Variants in USP49 observed in about 807,000 individuals in gnomAD.
USP49 encodes ubiquitin carboxyl-terminal hydrolase 49.
Under a neutral mutation model 58.6 loss-of-function variants are expected in USP49, and 24 were observed. That is an observed-to-expected ratio of 0.41 (90% CI 0.30 to 0.58). The LOEUF (loss-of-function observed/expected upper bound fraction) is 0.58, where lower values mean the gene tolerates loss of function less well. USP49 is among the 20% of genes least tolerant of loss of function. The pLI, the probability that USP49 is intolerant of heterozygous loss-of-function variation, is 0.30. For synonymous variants in USP49, 408 were observed against 365.1 expected, an observed-to-expected ratio of 1.12 and a Z score of -1.34; for missense variants, 703 against 866.1, an observed-to-expected ratio of 0.81 and a Z score of 2.36.
At chr6:41,859,484 T>C (rs1053008133) in intron 3 of USP49, among the ~76,000 whole-genome samples, 1 of 152,214 alleles carries the variant, frequency 6.6e-6, no homozygotes, top group Non-Finnish European at 1.5e-5. Context: ...CGAGCACGTG[T>C]GTACTTTCCC....
At chr6:41,820,417 CT>C (rs1350459625) in intron 3 of USP49, among the ~76,000 whole-genome samples, 1 of 152,006 alleles carries the variant, frequency 6.6e-6, no homozygotes, top group African/African-American at 2.4e-5. Context: ...TGAACATGGA[CT>C]AAGTATTAAA....
chr6:41,893,700 T>C (rs149378825), intron 1 of USP49, among the ~76,000 whole-genome samples: 1 of 151,654 alleles, frequency 6.6e-6, no homozygotes, highest in African/African-American at 2.4e-5. Flanking sequence ...TCAAAATGAG[T>C]CTCATTTCTT....
intron 3 of USP49, among the ~76,000 whole-genome samples, chr6:41,813,173 C>G (rs1045799473): frequency 2.0e-5 from 3 of 152,192 alleles, no homozygotes; most frequent in Admixed American, 2.0e-4. Flanking sequence ...CACCAGGACA[C>G]TATCTTTAGC....
intron 3 of USP49, among the ~76,000 whole-genome samples, chr6:41,862,233 TAGAGATC>T (rs1561921293): frequency 6.6e-6 from 1 of 152,188 alleles, no homozygotes; most frequent in Non-Finnish European, 1.5e-5. Flanking sequence ...AAATTTTGGA[TAGAGATC>T]ATCAAACTGG....
intron 3 of USP49, among the ~76,000 whole-genome samples, chr6:41,834,978 T>A (rs1773700625): frequency 6.6e-6 from 1 of 152,134 alleles, no homozygotes; most frequent in African/African-American, 2.4e-5. Flanking sequence ...AAAAAAATAA[T>A]GTTAAGAGTA....
At chr6:41,805,499 C>T (rs1262112603) in intron 4 of USP49, 129 bp downstream of exon 4, 9 of 1,009,002 alleles carry the variant, frequency 8.9e-6, no homozygotes, top group Non-Finnish European at 1.3e-5. Context: ...GTATAATGGC[C>T]ACCCTCCAAA....
At chr6:41,816,388 C>T (rs1165476015) in intron 3 of USP49, among the ~76,000 whole-genome samples, 1 of 152,162 alleles carries the variant, frequency 6.6e-6, no homozygotes, top group African/African-American at 2.4e-5. Flanking sequence ...ATTTTTTCTA[C>T]ACTTAACACT....
chr6:41,851,584 A>G (rs1774028719), intron 3 of USP49, among the ~76,000 whole-genome samples: 1 of 152,218 alleles, frequency 6.6e-6, no homozygotes, highest in African/African-American at 2.4e-5. Flanking sequence ...CAAGCCAAGC[A>G]TGCACACTCT....
At chr6:41,817,149 G>GTTTTTTTTTTTT (rs1773366429) in intron 3 of USP49, among the ~76,000 whole-genome samples, 1 of 69,660 alleles carries the variant, frequency 1.4e-5, no homozygotes, top group African/African-American at 6.4e-5. Flanking sequence ...TCCCACGCAT[G>GTTTTTTTTTTTT]CTTTTTTTTT....
chr6:41,800,549 GT>G (rs1361393917), intron 5 of USP49, among the ~76,000 whole-genome samples: 1 of 152,208 alleles, frequency 6.6e-6, no homozygotes, highest in Admixed American at 6.5e-5. Flanking sequence ...AAGGTTCCAT[GT>G]CTTCACAATG....
rs1773143465 is a variant in USP49, at chr6:41,806,767, A to G, written c.217T>C (p.Tyr73His). 1 of 1,614,238 alleles carries G rather than the reference A, an allele frequency of 6.2e-7. No individual in the cohort carries two copies. Among genetic ancestry groups the G allele is most frequent in the Non-Finnish European group, 8.5e-7 (1 of 1,180,032 alleles). The part of the protein sequence containing the change: ...HPLAMEVRDL[Y>H]VFCYLCKDYV... ...TCCTTGCACAGGTAACAGAACACGT[A>G]GAGATCCCGGACTTCCATGGCTAGC... Residue 73 changes from tyrosine to histidine, a missense_variant, in exon 4 of 8, where the codon TAC becomes CAC. Tyr to His is a moderately conservative substitution (Grantham distance 83). Transcript: ENST00000682992. The surrounding 1 kb of genome is among the most constrained non-coding windows in gnomAD (Gnocchi z 5.9).
At chr6:41,849,610 T>C (rs1054379729) in intron 3 of USP49, among the ~76,000 whole-genome samples, 17 of 151,022 alleles carry the variant, frequency 1.1e-4, no homozygotes, top group Admixed American at 1.1e-3. Flanking sequence ...TTCTTTTCTT[T>C]CTTTTTTTTT....
intron 3 of USP49, among the ~76,000 whole-genome samples, chr6:41,845,335 G>A (rs977876877): frequency 6.6e-6 from 1 of 152,032 alleles, no homozygotes; most frequent in African/African-American, 2.4e-5. Flanking sequence ...GTCGCAGTTT[G>A]AGACCAGCCT....
intron 3 of USP49, among the ~76,000 whole-genome samples, chr6:41,864,407 A>C (rs1561921911): frequency 6.6e-6 from 1 of 152,162 alleles, no homozygotes; most frequent in Admixed American, 6.5e-5. Context: ...TACTAAAAAA[A>C]CAAAAATTAG....
chr6:41,877,936 CT>C, intron 2 of USP49, among the ~76,000 whole-genome samples: 1 of 151,920 alleles, frequency 6.6e-6, no homozygotes, highest in East Asian at 1.9e-4. Context: ...TTATAAAATT[CT>C]TTTTTTAGAG....
intron 3 of USP49, among the ~76,000 whole-genome samples, chr6:41,826,224 G>A (rs950405008): frequency 3.3e-5 from 5 of 152,050 alleles, no homozygotes; most frequent in African/African-American, 9.7e-5. Flanking sequence ...CTGAGATCGC[G>A]CAACTGCACT....
chr6:41,853,146 A>G (rs1376361247), intron 3 of USP49, among the ~76,000 whole-genome samples: 6 of 152,166 alleles, frequency 3.9e-5, no homozygotes, highest in Admixed American at 1.3e-4. Context: ...AGATGGCGCC[A>G]TTGCACTCCA....
intron 6 of USP49, 148 bp from the exon 7 acceptor site, chr6:41,799,077 C>CATTT (rs1376476504): frequency 4.5e-5 from 28 of 621,848 alleles, no homozygotes; most frequent in South Asian, 5.3e-5. Flanking sequence ...TCAATGTTCA[C>CATTT]ACTTATTTAT....
At chr6:41,867,621 G>A (rs958012166) in intron 3 of USP49, among the ~76,000 whole-genome samples, 9 of 151,120 alleles carry the variant, frequency 6.0e-5, no homozygotes, top group Non-Finnish European at 1.0e-4. Context: ...GAGTGGTGGC[G>A]AGCGCCTGTA....
Sources: gnomAD v4.1 joint callset for allele counts (sites outside exome capture counted in the v4.1 genomes callset) on GRCh38, gnomAD v4.1.1 for gene constraint, Gnocchi (gnomAD v3.1) non-coding constraint, MANE v1.5 for transcripts, NCBI Gene and HGNC (gene_info 2026-07-23, HGNC 2026-07-21) for gene names.